ZNF616: variants seen among roughly 807,000 people sequenced by gnomAD.
The protein encoded by ZNF616 is zinc finger protein 616.
ZNF616 carries 5 observed loss-of-function variants against 7.6 expected under a neutral mutation model. The observed-to-expected ratio is 0.66, with a 90% CI of 0.34 to 1.38. The LOEUF (loss-of-function observed/expected upper bound fraction) is 1.38. ZNF616 is among the 40% of genes most tolerant of loss of function. The pLI, the probability that ZNF616 is intolerant of heterozygous loss-of-function variation, is 0.04. For missense variants in ZNF616, 913 were observed against 948.3 expected (o/e 0.96, Z 0.49); for synonymous variants, 319 against 317.2 (o/e 1.01, Z -0.06).
At position 52,116,585 on chromosome 19, in the gene ZNF616, G is replaced by A; in HGVS notation, c.579C>T (p.Ala193=). Residue 193 remains alanine (A), a synonymous_variant, in exon 4 of 4, where the codon GCC becomes GCT. Transcript: ENST00000600228. ...KTYVCNECGK[A]FKASSSLINH... ...TAATAAGGCTGGAAGACGCTTTAAA[G>A]GCTTTGCCACATTCATTACATACAT... 1.2e-6 allele frequency: 2 copies of A among 1,614,070 alleles called. No individual in the cohort carries two copies. The highest frequency in any genetic ancestry group is 1.7e-6 in the Non-Finnish European group (2 of 1,180,004).
Position 52,125,764 on chromosome 19 carries a change from T to C in ZNF616, c.13-1715A>G, listed in dbSNP as rs542958330. Among the ~76,000 whole-genome samples, 41 of 152,252 alleles carry C rather than the reference T, an allele frequency of 2.7e-4. No homozygotes were observed. In the South Asian group the frequency reaches 6.6e-3, roughly 25 times the overall value. Reference sequence around the variant, plus strand: ...GCTAGGCTGAGAATTGCCTTAGTGGTGACCTCCTGTGGTAGCACTGAAAGG... The same window carrying C: ...GCTAGGCTGAGAATTGCCTTAGTGGCGACCTCCTGTGGTAGCACTGAAAGG... On this transcript the variant is annotated intron_variant, in intron 2 of 3. Transcript: ENST00000600228.
chr19:52,132,730 C>T (rs1600128530), intron 1 of ZNF616, among the ~76,000 whole-genome samples: 1 of 152,174 alleles, frequency 6.6e-6, no homozygotes, highest in Non-Finnish European at 1.5e-5. Flanking sequence ...TGCCATGCTT[C>T]CTGTGCAGCC....
At chr19:52,131,264 CAA>C (rs61359785) in intron 1 of ZNF616, among the ~76,000 whole-genome samples, 6 of 39,746 alleles carry the variant, frequency 1.5e-4, no homozygotes, top group African/African-American at 4.4e-4. Context: ...ACTCTGTCAC[CAA>C]AAAAAAAAAA....
chr19:52,121,935 C>T (rs779106345), intron 3 of ZNF616, among the ~76,000 whole-genome samples: 26 of 151,744 alleles, frequency 1.7e-4, no homozygotes, highest in East Asian at 9.7e-4. Context: ...CTAAGCATGA[C>T]GGGAAAAAAT....
At chr19:52,122,255 A>C (rs1165617760) in intron 3 of ZNF616, 2 of 152,140 alleles carry the variant, frequency 1.3e-5, no homozygotes, top group Admixed American at 6.5e-5. Flanking sequence ...GGAGGCCGAG[A>C]CTGGCAGATC....
In ZNF616 at chr19:52,115,365, G is replaced by A. The variant is rs765026334; in HGVS notation, c.1799C>T (p.Thr600Ile). 5.6e-6 allele frequency: 9 copies of A among 1,614,026 alleles called. No individual in the cohort carries two copies. The highest frequency in any genetic ancestry group is 8.5e-7 in the Non-Finnish European group (1 of 1,180,028). ...SHLVGHRRVH[T>I]GEKPYKCHEC... ...ATGACATTTGTATGGTTTCTCTCCA[G>A]TATGAACTCTTCGATGCCCTACAAG... Residue 600 changes from threonine to isoleucine, a missense_variant, in exon 4 of 4, where the codon ACT becomes ATT. By Grantham distance (89) the Thr-to-Ile change is moderately conservative. Coordinates refer to ENST00000600228, the MANE Select transcript of ZNF616 (RefSeq NM_178523.5).
At chr19:52,126,431 T>C (rs183022606) in intron 2 of ZNF616, among the ~76,000 whole-genome samples, 227 of 151,840 alleles carry the variant, frequency 1.5e-3, no homozygotes, top group African/African-American at 5.1e-3. Flanking sequence ...GCATGAGAAT[T>C]GCTTGAACAG....
intron 1 of ZNF616, among the ~76,000 whole-genome samples, chr19:52,137,644 C>G (rs1352294448): frequency 6.6e-6 from 1 of 152,030 alleles, no homozygotes; most frequent in Non-Finnish European, 1.5e-5. Flanking sequence ...AAATGTTGGT[C>G]AAAGGGTACA....
chr19:52,115,633 G>A lies in ZNF616; in HGVS notation c.1531C>T (p.His511Tyr), dbSNP rs144936748. The A allele has an allele frequency of 5.6e-6, 9 of 1,613,984 alleles. No individual in the cohort carries two copies. The highest frequency in any genetic ancestry group is 7.6e-6 in the Non-Finnish European group (9 of 1,179,986). Residue 511 changes from histidine to tyrosine, a missense_variant, in exon 4 of 4, where the codon CAT becomes TAT. By Grantham distance (83) the His-to-Tyr change is moderately conservative. Coordinates refer to ENST00000600228, the MANE Select transcript of ZNF616 (RefSeq NM_178523.5). ...TTCTCTCCAGTATGAATTCTCCGAT[G>A]CACTGCAAGACGTGAATGTTGACTG... ...VFSQHSRLAV[H>Y]RRIHTGEKPY...
In ZNF616 at chr19:52,124,055, A is replaced by G; in HGVS notation, c.13-6T>C. Reference sequence around the variant, plus strand: ...TCCTTGAATGTCAAATGCCCCTGAAATGAAAAACACATTTCAAAAAGAAGC... The same window carrying G: ...TCCTTGAATGTCAAATGCCCCTGAAGTGAAAAACACATTTCAAAAAGAAGC... On this transcript the variant is annotated splice_polypyrimidine_tract_variant and splice_region_variant and intron_variant, in intron 2 of 3. Transcript: ENST00000600228. The G allele has an allele frequency of 6.3e-7, 1 of 1,592,898 alleles. No individual in the cohort carries two copies. The highest frequency in any genetic ancestry group is 8.5e-7 in the Non-Finnish European group (1 of 1,174,704).
In ZNF616 at chr19:52,139,876, AC is replaced by A. The variant is rs2089043413; in HGVS notation, c.-222del. 6.6e-6 allele frequency: 1 copy of A among 152,240 alleles called. No individual in the cohort carries two copies. The allele number at this position is 152,240 out of a possible 1,614,324, so 9.4% of individuals were successfully genotyped here. On this transcript the variant is annotated 5_prime_UTR_variant, in exon 1 of 4. Coordinates refer to ENST00000600228, the MANE Select transcript of ZNF616 (RefSeq NM_178523.5). This position sits in a 1 kb window ranked among gnomAD's most constrained non-coding sequence, Gnocchi z 4.1. ...GACGGAGCGAAGTAATGTTTAATCC[AC>A]GTAGACTGAAACACACACACAGCGA... is the stretch of plus-strand genomic sequence containing the variant.
At chr19:52,119,581 G>A (rs1342836103) in intron 3 of ZNF616, among the ~76,000 whole-genome samples, 2 of 152,050 alleles carry the variant, frequency 1.3e-5, no homozygotes, top group Non-Finnish European at 2.9e-5. Flanking sequence ...AAGAGGAAAG[G>A]GCAAGGAGTA....
intron 2 of ZNF616, among the ~76,000 whole-genome samples, chr19:52,125,319 C>T (rs550525008): frequency 2.6e-5 from 4 of 152,250 alleles, no homozygotes; most frequent in South Asian, 2.1e-4. Flanking sequence ...CAGCTGTGAA[C>T]GTGTGAAATC....
chr19:52,131,413 G>C (rs750168334), intron 1 of ZNF616, among the ~76,000 whole-genome samples: 1 of 152,146 alleles, frequency 6.6e-6, no homozygotes, highest in Admixed American at 6.6e-5. Flanking sequence ...GTGAAGCGAG[G>C]GTTGAGTAGT....
chr19:52,120,597 C>T (rs1462404939), intron 3 of ZNF616, among the ~76,000 whole-genome samples: 1 of 152,062 alleles, frequency 6.6e-6, no homozygotes, highest in Non-Finnish European at 1.5e-5. Context: ...AGGACACACG[C>T]AGGCTGAATT....
chr19:52,118,489 G>C (rs1482521070), intron 3 of ZNF616, among the ~76,000 whole-genome samples: 1 of 152,132 alleles, frequency 6.6e-6, no homozygotes, highest in Non-Finnish European at 1.5e-5. Flanking sequence ...GTGGTCTTTG[G>C]GAGGCAATTC....
Position 52,115,400 on chromosome 19 carries a change from C to T in ZNF616, c.1764G>A (p.Gln588=), listed in dbSNP as rs754502413. Residue 588 remains glutamine (Q), a synonymous_variant, in exon 4 of 4, where the codon CAG becomes CAA. Coordinates refer to ENST00000600228, the MANE Select transcript of ZNF616 (RefSeq NM_178523.5). ...TTCGATGCCCTACAAGATGTGAATACTGACTGTAGACCTTGCCGCATTCAT... is the reference window on the plus strand; with the variant it reads ...TTCGATGCCCTACAAGATGTGAATATTGACTGTAGACCTTGCCGCATTCAT... ...KCNECGKVYS[Q]YSHLVGHRRV... 5.2e-5 allele frequency: 84 copies of T among 1,614,060 alleles called. No individual in the cohort carries two copies. The highest frequency in any genetic ancestry group is 6.4e-5 in the Non-Finnish European group (76 of 1,180,010).
rs141508433 is a variant in ZNF616, at chr19:52,134,118, G to C, written c.-76-3530C>G. Among the ~76,000 whole-genome samples the C allele has an allele frequency of 5.6e-4, 85 of 152,282 alleles. No homozygotes were observed. In the Middle Eastern group the frequency reaches 0.014, roughly 24 times the overall value. ...CCTCCCGCACTACCAGACCAAGCCA[G>C]AATGAAGTCTCTCATGCTAAACGCC... On this transcript the variant is annotated intron_variant, in intron 1 of 3. Transcript: ENST00000600228.
intron 1 of ZNF616, among the ~76,000 whole-genome samples, chr19:52,137,193 T>C (rs888727609): frequency 3.3e-5 from 5 of 149,306 alleles, no homozygotes; most frequent in African/African-American, 2.5e-5. Context: ...CCGAGGCGGG[T>C]GGATCATGAG....
Sources: gnomAD v4.1 joint callset for allele counts (sites outside exome capture counted in the v4.1 genomes callset) on GRCh38, gnomAD v4.1.1 for gene constraint, Gnocchi (gnomAD v3.1) non-coding constraint, MANE v1.5 for transcripts, NCBI Gene and HGNC (gene_info 2026-07-23, HGNC 2026-07-21) for gene names.